Variants in ATRX observed in about 807,000 individuals in gnomAD.
The protein encoded by ATRX is ATRX chromatin remodeler.
Under a neutral mutation model 172.6 loss-of-function variants are expected in ATRX, and 12 were observed. That is an observed-to-expected ratio of 0.07 (90% confidence interval 0.04 to 0.11). The LOEUF (loss-of-function observed/expected upper bound fraction) is 0.11, where lower values mean the gene tolerates loss of function less well. Among genes scored for constraint, ATRX ranks in the 10% least tolerant of loss-of-function variants. ATRX has a pLI of 1.00. For synonymous variants in ATRX, 674 were observed against 594.7 expected (o/e 1.13, Z -1.94); for missense variants, 1,368 against 1,767.4 (o/e 0.77, Z 4.05).
Position 77,598,533 on chromosome X carries a change from AC to A in ATRX, c.5956+877del, listed in dbSNP as rs1213004716. On this transcript the variant is annotated intron_variant, in intron 25 of 34. Coordinates refer to ENST00000373344, the MANE Select transcript of ATRX (RefSeq NM_000489.6). The stretch of plus-strand genomic sequence containing the variant: ...AGTTTATCTGATCACAGGATCACTA[AC>A]CTAGGTGGCCCCCACAACTCTCTTC... Among the ~76,000 whole-genome samples the A allele has an allele frequency of 2.7e-5, 3 of 112,066 alleles. No individual in the cohort carries two copies. The Admixed American group carries it at 2.8e-4, about 11-fold the overall frequency.
At chrX:77,640,184 G>A (rs1157176434) in intron 15 of ATRX, among the ~76,000 whole-genome samples, 1 of 111,364 alleles carries the variant, frequency 9.0e-6, no homozygotes, top group East Asian at 2.8e-4. Flanking sequence ...GGAGGGGGAG[G>A]GAAGGAAGAG....
At chrX:77,760,490 G>A (rs2075678094) in intron 1 of ATRX, among the ~76,000 whole-genome samples, 1 of 84,339 alleles carries the variant, frequency 1.2e-5, no homozygotes, top group African/African-American at 4.4e-5. Flanking sequence ...GGAGGGGGGA[G>A]GGATAGCATT....
At chrX:77,698,907 CCAG>C in intron 2 of ATRX, 1 of 366,856 alleles carries the variant, frequency 2.7e-6, no homozygotes, top group Non-Finnish European at 5.0e-6. Context: ...AAGACATTTC[CCAG>C]CAGAAGAAAA....
At chrX:77,607,912 T>C (rs912935069) in intron 22 of ATRX, among the ~76,000 whole-genome samples, 1 of 110,135 alleles carries the variant, frequency 9.1e-6, no homozygotes, top group Non-Finnish European at 1.9e-5. Flanking sequence ...ATACCAATGA[T>C]ATTCTTCACA....
chrX:77,654,004 T>C, intron 14 of ATRX, 94 bp downstream of exon 14: 4 of 727,748 alleles, frequency 5.5e-6, no homozygotes, highest in Non-Finnish European at 8.6e-6. Context: ...GCCAGTACAA[T>C]ACAATGAATG....
intron 28 of ATRX, among the ~76,000 whole-genome samples, chrX:77,567,942 A>G (rs897852355): frequency 4.5e-5 from 5 of 111,630 alleles, no homozygotes; most frequent in Admixed American, 1.9e-4. Context: ...TAGCTGAGCC[A>G]AAGATGAATT....
intron 10 of ATRX, 85 bp downstream of exon 10, chrX:77,676,141 C>G: frequency 1.1e-6 from 1 of 937,849 alleles, no homozygotes; most frequent in Non-Finnish European, 1.5e-6. Flanking sequence ...TTTTTACAAC[C>G]TGCTTGCTGT....
At chrX:77,540,142 C>CA (rs1234585807) in intron 30 of ATRX, among the ~76,000 whole-genome samples, 14 of 109,145 alleles carry the variant, frequency 1.3e-4, no homozygotes, top group Admixed American at 2.0e-4. Context: ...AAATGGAAAG[C>CA]AAAAAAAAGC....
At chrX:77,545,904 C>T (rs1269952277) in intron 30 of ATRX, among the ~76,000 whole-genome samples, 3 of 111,032 alleles carry the variant, frequency 2.7e-5, no homozygotes, top group Non-Finnish European at 3.8e-5. Flanking sequence ...GGCTAAGGAT[C>T]AGTAAGTTCA....
chrX:77,697,854 C>A (rs1324583108), intron 3 of ATRX, among the ~76,000 whole-genome samples: 7 of 111,682 alleles, frequency 6.3e-5, no homozygotes, highest in African/African-American at 2.3e-4. Context: ...CATTTACTGC[C>A]AGGTTTCCTT....
intron 1 of ATRX, among the ~76,000 whole-genome samples, chrX:77,734,934 A>G (rs1457163533): frequency 9.2e-6 from 1 of 109,068 alleles, no homozygotes; most frequent in Non-Finnish European, 1.9e-5. Context: ...AACATGGTGA[A>G]ACCCCATCTC....
rs782635372 is a variant in ATRX at position 77,624,209 on chromosome X, C to CA, written c.5135-3678dup. 8.5e-4 allele frequency among the ~76,000 whole-genome samples: 93 copies of CA among 109,789 alleles called. No individual in the cohort carries two copies. The East Asian group carries it at 0.019, about 23-fold the overall frequency. ...TGAAACCCCGTCTCTACTAAAAATA[C>CA]AAAAAAAATTAGCTGGGCGTGGTGG... On this transcript the variant is annotated intron_variant, in intron 19 of 34. Transcript: ENST00000373344.
At chrX:77,741,550 C>T (rs2074871945) in intron 1 of ATRX, among the ~76,000 whole-genome samples, 1 of 111,196 alleles carries the variant, frequency 9.0e-6, no homozygotes, top group African/African-American at 3.3e-5. Flanking sequence ...CAACCTCCAC[C>T]TCCCATGCTC....
chrX:77,608,912 A>C (rs782795901), intron 22 of ATRX, among the ~76,000 whole-genome samples: 29 of 112,191 alleles, frequency 2.6e-4, no homozygotes, highest in Non-Finnish European at 4.7e-4. Context: ...CTAACAACCT[A>C]ATTAAAAAAT....
intron 30 of ATRX, among the ~76,000 whole-genome samples, chrX:77,535,460 T>A (rs1488823227): frequency 8.9e-6 from 1 of 112,017 alleles, no homozygotes; most frequent in Non-Finnish European, 1.9e-5. Context: ...AAATTGGATA[T>A]CCATTACAAC....
At chrX:77,634,232 T>TAA (rs144290953) in intron 17 of ATRX, among the ~76,000 whole-genome samples, 1,861 of 54,050 alleles carry the variant, frequency 0.034, 71 homozygotes, top group African/African-American at 0.1. Context: ...TTAAAAGTTG[T>TAA]AAAAAAAAAA....
chrX:77,544,200 T>G (rs1157985752), intron 30 of ATRX, among the ~76,000 whole-genome samples: 1 of 111,406 alleles, frequency 9.0e-6, no homozygotes, highest in African/African-American at 3.3e-5. Context: ...TTGGTAAATC[T>G]AGCGGATGGG....
At chrX:77,513,541 C>A (rs928768084) in intron 34 of ATRX, among the ~76,000 whole-genome samples, 8 of 110,167 alleles carry the variant, frequency 7.3e-5, no homozygotes, top group African/African-American at 2.6e-4. Context: ...AGGACTCATT[C>A]CTGGCCCACA....
chrX:77,592,554 T>C (rs2148109842), intron 26 of ATRX, among the ~76,000 whole-genome samples: 1 of 111,643 alleles, frequency 9.0e-6, no homozygotes, highest in African/African-American at 3.3e-5. Flanking sequence ...GTCTCACGCC[T>C]GTAATCCCAG....
Sources: gnomAD v4.1 joint callset for allele counts (sites outside exome capture counted in the v4.1 genomes callset) on GRCh38, gnomAD v4.1.1 for gene constraint, MANE v1.5 for transcripts, NCBI Gene and HGNC (gene_info 2026-07-23, HGNC 2026-07-21) for gene names.